P2RX1: variants seen among roughly 807,000 people sequenced by gnomAD.
The protein encoded by P2RX1 is purinergic receptor P2X 1.
A neutral mutation model predicts 50.3 loss-of-function variants in P2RX1; 42 were observed. The observed-to-expected ratio is 0.83, with a 90% confidence interval of 0.65 to 1.08. The LOEUF (loss-of-function observed/expected upper bound fraction) is 1.08, where lower values mean the gene tolerates loss of function less well. Among genes scored for constraint, P2RX1 ranks in the 50% least tolerant of loss-of-function variants. The probability of loss-of-function intolerance (pLI) is 0.00; values close to 1 mark genes in which losing one functional copy is unlikely to be tolerated. For missense variants in P2RX1, 449 were observed against 529.0 expected, an observed-to-expected ratio of 0.85 and a Z score of 1.48; for synonymous variants, 199 against 202.6, an observed-to-expected ratio of 0.98 and a Z score of 0.15.
At chr17:3,900,878 A>G (rs1206845813) in intron 7 of P2RX1, among the ~76,000 whole-genome samples, 1 of 152,172 alleles carries the variant, frequency 6.6e-6, no homozygotes, top group African/African-American at 2.4e-5. Context: ...GAATCTGTGA[A>G]GACCTGGATT....
chr17:3,914,098 C>T lies in P2RX1; in HGVS notation c.137+1991G>A, dbSNP rs1038550506. On this transcript the variant is annotated intron_variant, in intron 1 of 11. Coordinates refer to ENST00000225538, the MANE Select transcript of P2RX1 (RefSeq NM_002558.4). The surrounding 1 kb of genome is among the most constrained non-coding windows in gnomAD (Gnocchi z 4.1). ...CAGCCCTGGGGGTTGCTGGTGATGA[C>T]GGACTCTGCCTTCCTTCCACCCTCT... 1.3e-5 allele frequency among the ~76,000 whole-genome samples: 2 copies of T among 152,174 alleles called. No individual in the cohort carries two copies. The highest frequency in any genetic ancestry group is 3.9e-4 in the East Asian group (2 of 5,192).
intron 1 of P2RX1, 134 bp downstream of exon 1, chr17:3,915,955 G>A: frequency 9.3e-7 from 1 of 1,075,650 alleles, no homozygotes; most frequent in South Asian, 1.4e-5. Flanking sequence ...TTCTCGCACA[G>A]TGGCTTGCCA....
At chr17:3,915,470 C>T (rs1415146917) in intron 1 of P2RX1, 5 of 456,462 alleles carry the variant, frequency 1.1e-5, no homozygotes, top group Non-Finnish European at 1.8e-5. Flanking sequence ...TGATTCTGCA[C>T]TCCCAGCCCG....
rs1326810940 is a variant in P2RX1 at position 3,904,415 on chromosome 17, G to A, written c.358-16C>T. The stretch of plus-strand genomic sequence containing the variant: ...CTTCTGGGTGCTGGGGGAGGCAAAA[G>A]CTGCTGGTCCCAGGCCCCTTGGGTG... On this transcript the variant is annotated splice_polypyrimidine_tract_variant and intron_variant, in intron 3 of 11. Coordinates refer to ENST00000225538, the MANE Select transcript of P2RX1 (RefSeq NM_002558.4). The A allele has an allele frequency of 6.2e-7, 1 of 1,611,600 alleles. No homozygotes were observed.
chr17:3,900,916 C>CCACGCGCCCAT (rs2056126359), intron 7 of P2RX1, among the ~76,000 whole-genome samples: 1 of 152,120 alleles, frequency 6.6e-6, no homozygotes, highest in East Asian at 1.9e-4. Flanking sequence ...GAAAGCGAAG[C>CCACGCGCCCAT]TCCTCTGGGC....
intron 1 of P2RX1, among the ~76,000 whole-genome samples, chr17:3,909,282 G>A (rs917863719): frequency 4.6e-5 from 7 of 151,830 alleles, no homozygotes; most frequent in African/African-American, 1.2e-4. Flanking sequence ...CGCCCGCCTC[G>A]GCCTCCCAAG....
At chr17:3,907,290 C>CATGTGT (rs3222958) in intron 1 of P2RX1, among the ~76,000 whole-genome samples, 2 of 134,358 alleles carry the variant, frequency 1.5e-5, no homozygotes, top group Non-Finnish European at 3.1e-5. Context: ...TTCAGGGTAA[C>CATGTGT]GTGTGTGTGT....
chr17:3,904,419 C>A lies in P2RX1; in HGVS notation c.358-20G>T. The A allele has an allele frequency of 1.9e-6, 3 of 1,610,082 alleles. No individual in the cohort carries two copies. The highest frequency in any genetic ancestry group is 2.5e-6 in the Non-Finnish European group (3 of 1,177,722). On this transcript the variant is annotated intron_variant, in intron 3 of 11. Coordinates refer to ENST00000225538, the MANE Select transcript of P2RX1 (RefSeq NM_002558.4). Reference sequence around the variant, plus strand: ...TGGGTGCTGGGGGAGGCAAAAGCTGCTGGTCCCAGGCCCCTTGGGTGGGGT... The same window carrying A: ...TGGGTGCTGGGGGAGGCAAAAGCTGATGGTCCCAGGCCCCTTGGGTGGGGT...
Position 3,903,745 on chromosome 17 carries a change from TG to T in P2RX1, c.525-115del. On this transcript the variant is annotated intron_variant, in intron 5 of 11. Transcript: ENST00000225538. The surrounding 1 kb of genome is among the most constrained non-coding windows in gnomAD (Gnocchi z 4.6). The stretch of plus-strand genomic sequence containing the variant: ...AGCCTCCGGGACCCGCCTGCAGCCC[TG>T]GGCTGGTGGAGGGGTGGGTGTGCTC... The T allele has an allele frequency of 8.0e-7, 1 of 1,248,720 alleles. No individual in the cohort carries two copies. Among genetic ancestry groups the T allele is most frequent in the South Asian group, 1.2e-5 (1 of 82,890 alleles). 77.4% of individuals were successfully genotyped at this position (1,248,720 alleles called of 1,614,324 possible).
In P2RX1 at chr17:3,898,020, C is replaced by A. The variant is rs374004316; in HGVS notation, c.1123G>T (p.Gly375Trp). 5.6e-6 allele frequency: 9 copies of A among 1,613,518 alleles called. No homozygotes were observed. Among genetic ancestry groups the A allele is most frequent in the Non-Finnish European group, 6.8e-6 (8 of 1,179,876 alleles). The change falls in exon 11 of 12, where the codon GGG (glycine) becomes TGG (tryptophan). Residue 375 changes from glycine (G) to tryptophan (W), a missense_variant. Gly to Trp is a radical substitution (Grantham distance 184). Transcript: ENST00000225538. ...QKKFKYAEDMGPGAAERDLAA... is the reference protein window; with the variant it reads ...QKKFKYAEDMWPGAAERDLAA... ...GGGGGTTCTCTTACCGCCCCTGGCC[C>A]CATGTCCTCAGCGTATTTGAACTTC... is the stretch of plus-strand genomic sequence containing the variant.
intron 1 of P2RX1, among the ~76,000 whole-genome samples, chr17:3,911,224 G>C (rs2056357003): frequency 6.6e-6 from 1 of 151,882 alleles, no homozygotes. Context: ...CTGAGCTGAA[G>C]TGATCCGCTC....
At position 3,912,480 on chromosome 17, in the gene P2RX1, G is replaced by A. The variant is rs547753079; in HGVS notation, c.137+3609C>T. Among the ~76,000 whole-genome samples the A allele has an allele frequency of 1.7e-4, 26 of 152,030 alleles. 1 individual carries two copies. The South Asian group carries it at 3.1e-3, about 18-fold the overall frequency. ...CGAGTAGCTGGGATTACAGGCGTGC[G>A]CCACCACACCCAGCTAATTTTTGTA... is the stretch of plus-strand genomic sequence containing the variant. On this transcript the variant is annotated intron_variant, in intron 1 of 11. Coordinates refer to ENST00000225538, the MANE Select transcript of P2RX1 (RefSeq NM_002558.4).
chr17:3,901,435 C>A (rs2056144570), intron 7 of P2RX1, among the ~76,000 whole-genome samples: 1 of 152,202 alleles, frequency 6.6e-6, no homozygotes, highest in Non-Finnish European at 1.5e-5. Flanking sequence ...CCGGCATCAA[C>A]CCCCTCCAGG....
At chr17:3,905,096 C>T (rs1009345419) in intron 2 of P2RX1, 124 bp downstream of exon 2, 146 of 1,368,798 alleles carry the variant, frequency 1.1e-4, no homozygotes, top group Non-Finnish European at 1.4e-4. Flanking sequence ...TGCTTCTGCC[C>T]GGCATTCACA....
In P2RX1 at chr17:3,905,214, G is replaced by T. The variant is rs1335630645; in HGVS notation, c.285+6C>A. 3.1e-6 allele frequency: 5 copies of T among 1,612,174 alleles called. No homozygotes were observed. The highest frequency in any genetic ancestry group is 3.4e-6 in the Non-Finnish European group (4 of 1,179,558). On this transcript the variant is annotated splice_donor_region_variant and intron_variant, in intron 2 of 11. Coordinates refer to ENST00000225538, the MANE Select transcript of P2RX1 (RefSeq NM_002558.4). ...GAGGGGAAGGTGCAAACCTGAGCCAGCTCACCTGGGCTGGGAAGACGTAGT... is the reference window on the plus strand; with the variant it reads ...GAGGGGAAGGTGCAAACCTGAGCCATCTCACCTGGGCTGGGAAGACGTAGT...
intron 1 of P2RX1, among the ~76,000 whole-genome samples, chr17:3,913,044 G>A (rs1199049740): frequency 6.6e-6 from 1 of 152,080 alleles, no homozygotes; most frequent in African/African-American, 2.4e-5. Flanking sequence ...CCTCCAGGAA[G>A]GCCTCCCTGG....
At position 3,903,901 on chromosome 17, in the gene P2RX1, T is replaced by G; in HGVS notation, c.524+27A>C. The G allele has an allele frequency of 6.3e-7, 1 of 1,580,918 alleles. No homozygotes were observed. The highest frequency in any genetic ancestry group is 8.7e-7 in the Non-Finnish European group (1 of 1,149,628). ...TCTGTCTGGCCTGGGACCCTGTTCT[T>G]AGCTCTCTGGAAGGTCAGAGTGTTA... is the stretch of plus-strand genomic sequence containing the variant. On this transcript the variant is annotated intron_variant, in intron 5 of 11. Coordinates refer to ENST00000225538, the MANE Select transcript of P2RX1 (RefSeq NM_002558.4). This position sits in a 1 kb window ranked among gnomAD's most constrained non-coding sequence, Gnocchi z 4.6.
At chr17:3,902,088 G>T (rs1409981691) in intron 7 of P2RX1, among the ~76,000 whole-genome samples, 1 of 152,092 alleles carries the variant, frequency 6.6e-6, no homozygotes, top group Non-Finnish European at 1.5e-5. Flanking sequence ...GATTTCTCAG[G>T]GCCATAGGCT....
Position 3,898,158 on chromosome 17 carries a change from G to A in P2RX1, c.1033-48C>T, listed in dbSNP as rs201115655. On this transcript the variant is annotated intron_variant, in intron 10 of 11. Transcript: ENST00000225538. ...AGACAGCGTGGGAATCCGGGGGTGG[G>A]TACGGAGCCCTCCACATCCCACCTC... is the stretch of plus-strand genomic sequence containing the variant. The A allele has an allele frequency of 3.2e-4, 487 of 1,512,690 alleles. 1 individual carries two copies. In the African/African-American group the frequency reaches 5.9e-3, roughly 18 times the overall value. The allele number at this position is 1,512,690 out of a possible 1,614,324, so 93.7% of individuals were successfully genotyped here. A position where few individuals can be genotyped will look rare whatever the true frequency, so the allele number is the denominator to read the frequency against.
Sources: gnomAD v4.1 joint callset for allele counts (sites outside exome capture counted in the v4.1 genomes callset) on GRCh38, gnomAD v4.1.1 for gene constraint, Gnocchi (gnomAD v3.1) non-coding constraint, MANE v1.5 for transcripts, NCBI Gene and HGNC (gene_info 2026-07-23, HGNC 2026-07-21) for gene names.